Variants in RSPH14 observed in about 807,000 individuals in gnomAD.
RSPH14 encodes the protein radial spoke head 14 homolog, also known as rhabdoid tumor deletion region gene 1.
RSPH14 carries 20 observed loss-of-function variants against 26.7 expected under a neutral mutation model. The ratio of observed to expected loss-of-function variants is 0.75; its 90% confidence interval spans 0.53 to 1.09. The LOEUF (loss-of-function observed/expected upper bound fraction) is 1.09, where lower values mean the gene tolerates loss of function less well. Among genes scored for constraint, RSPH14 ranks in the 50% least tolerant of loss-of-function variants. The pLI is 0.00. For missense variants in RSPH14, 449 were observed against 457.2 expected (o/e 0.98, Z 0.16); for synonymous variants, 177 against 189.3 (o/e 0.93, Z 0.53).
At chr22:23,092,720 C>T (rs1291862668) in intron 4 of RSPH14, among the ~76,000 whole-genome samples, 5 of 152,234 alleles carry the variant, frequency 3.3e-5, no homozygotes, top group Non-Finnish European at 7.3e-5. Context: ...CCAACCTGCT[C>T]TCCTGATTCC....
chr22:23,146,646 C>T (rs1348170895), upstream of RSPH14: 1 of 1,614,088 alleles, frequency 6.2e-7, no homozygotes, highest in Non-Finnish European at 8.5e-7. Flanking sequence ...CTTTGGGGCC[C>T]CCTGTGAGCC....
chr22:23,076,431 G>A (rs767811027), intron 4 of RSPH14, among the ~76,000 whole-genome samples: 1 of 152,148 alleles, frequency 6.6e-6, no homozygotes, highest in Non-Finnish European at 1.5e-5. Context: ...GTGCTCGTGC[G>A]CTGCAGAACC....
chr22:23,134,017 C>A lies in RSPH14; in HGVS notation c.421+9G>T, dbSNP rs757992400. 2 of 1,607,182 alleles carry A rather than the reference C, an allele frequency of 1.2e-6. No individual in the cohort carries two copies. The highest frequency in any genetic ancestry group is 1.7e-6 in the Non-Finnish European group (2 of 1,173,948). The stretch of plus-strand genomic sequence containing the variant: ...GCCCGACAGATCTGTGTGCAGGACG[C>A]AAGCCTACCTCTAGGCACCTGGACC... On this transcript the variant is annotated intron_variant, in intron 4 of 6. Transcript: ENST00000216036.
the RSPH14 span, among the ~76,000 whole-genome samples, chr22:23,165,188 A>C: frequency 1.3e-5 from 2 of 152,186 alleles, no homozygotes; most frequent in African/African-American, 4.8e-5. Context: ...GTAGGTGCTC[A>C]ATAGATGTGT....
intron 4 of RSPH14, among the ~76,000 whole-genome samples, chr22:23,112,654 G>C (rs1158860507): frequency 1.3e-5 from 2 of 152,204 alleles, no homozygotes; most frequent in Non-Finnish European, 2.9e-5. Flanking sequence ...TGGAGCATCG[G>C]ACAAACACCA....
Position 23,140,244 on chromosome 22 carries a change from A to G in RSPH14, c.177T>C (p.Cys59=). 1 of 1,614,030 alleles carries G rather than the reference A, an allele frequency of 6.2e-7. No homozygotes were observed. The highest frequency in any genetic ancestry group is 1.7e-5 in the Admixed American group (1 of 60,022). ...CACCTATGTTCATGGCCTTGTAGAT[A>G]CACTCGGGGTCATGCATGAGGTCAC... ...ALCDLMHDPE[C]IYKAMNIGCM... The change falls in exon 2 of 7, where the codon TGT becomes TGC. Residue 59 remains cysteine (C), a synonymous_variant. Coordinates refer to ENST00000216036, the MANE Select transcript of RSPH14 (RefSeq NM_014433.3).
chr22:23,064,770 T>C (rs2068168858), intron 4 of RSPH14, among the ~76,000 whole-genome samples: 1 of 152,130 alleles, frequency 6.6e-6, no homozygotes, highest in African/African-American at 2.4e-5. Context: ...GGGCTCCACA[T>C]GGCACAGCTG....
chr22:23,158,155 AG>A, the RSPH14 span: 2 of 1,535,668 alleles, frequency 1.3e-6, no homozygotes, highest in Non-Finnish European at 1.7e-6. Flanking sequence ...GTGAGTGACC[AG>A]GGCCCCTTGT....
chr22:23,153,030 C>T, the RSPH14 span: 3 of 1,611,920 alleles, frequency 1.9e-6, no homozygotes, highest in African/African-American at 1.3e-5. Context: ...TCATCCCCCA[C>T]AGGTTTTGCA....
chr22:23,113,193 G>A (rs1171529832), intron 4 of RSPH14, among the ~76,000 whole-genome samples: 3 of 152,204 alleles, frequency 2.0e-5, no homozygotes, highest in Non-Finnish European at 2.9e-5. Context: ...GTGTTCTGAC[G>A]TTGGCTAAAC....
rs1265995435 is a variant in RSPH14, at chr22:23,087,421, G to A, written c.422-23288C>T. On this transcript the variant is annotated intron_variant, in intron 4 of 6. Transcript: ENST00000216036. ...TGAGGCTGCAGTGAACTGTGATGGT[G>A]CACTGCAGCTGGGTGACAGTTAAAA... Among the ~76,000 whole-genome samples, 9 of 152,286 alleles carry A rather than the reference G, an allele frequency of 5.9e-5. No individual in the cohort carries two copies. In the East Asian group the frequency reaches 1.7e-3, roughly 29 times the overall value.
At chr22:23,133,959 G>A in intron 4 of RSPH14, 67 bp downstream of exon 4, 2 of 1,068,716 alleles carry the variant, frequency 1.9e-6, no homozygotes, top group Non-Finnish European at 1.5e-6. Flanking sequence ...GTACATATGT[G>A]ACCTGGAGAG....
At chr22:23,152,949 C>A in the RSPH14 span, 1 of 987,778 alleles carries the variant, frequency 1.0e-6, no homozygotes, top group Non-Finnish European at 1.6e-6. Context: ...CCTTATTTGC[C>A]TAAAGACTTG....
In RSPH14 at chr22:23,061,950, G is replaced by A. The variant is rs558861150; in HGVS notation, c.654-5C>T. 1.9e-6 allele frequency: 3 copies of A among 1,613,944 alleles called. No homozygotes were observed. The highest frequency in any genetic ancestry group is 2.7e-5 in the African/African-American group (2 of 75,042). ...TTCTTGCCCTCTCGAGATATGCTGGGGCAGAGAGGGAACAGAGAGGGGCTC... is the reference window on the plus strand; with the variant it reads ...TTCTTGCCCTCTCGAGATATGCTGGAGCAGAGAGGGAACAGAGAGGGGCTC... On this transcript the variant is annotated splice_polypyrimidine_tract_variant and splice_region_variant and intron_variant, in intron 5 of 6. Transcript: ENST00000216036.
In RSPH14 at chr22:23,105,764, T is replaced by C. The variant is rs185228805; in HGVS notation, c.421+28262A>G. Among the ~76,000 whole-genome samples, 270 of 152,356 alleles carry C rather than the reference T, an allele frequency of 1.8e-3. 1 individual carries two copies. The highest frequency in any genetic ancestry group is 4.9e-3 in the African/African-American group (202 of 41,574). On this transcript the variant is annotated intron_variant, in intron 4 of 6. Coordinates refer to ENST00000216036, the MANE Select transcript of RSPH14 (RefSeq NM_014433.3). ...TTAATTTCCCTTCAGCGACTGACAC[T>C]GGCTGGTGGGGAGCAGGGGTGCAGG... is the stretch of plus-strand genomic sequence containing the variant.
At position 23,072,325 on chromosome 22, in the gene RSPH14, G is replaced by A. The variant is rs563946302; in HGVS notation, c.422-8192C>T. Among the ~76,000 whole-genome samples the A allele has an allele frequency of 3.3e-5, 5 of 152,192 alleles. No homozygotes were observed. The East Asian group carries it at 5.8e-4, about 18-fold the overall frequency. The stretch of plus-strand genomic sequence containing the variant: ...GCAGTGGGGGTGTGGATGGCCTGGC[G>A]GTGCTTGGATAAAATATGCGCCTTG... On this transcript the variant is annotated intron_variant, in intron 4 of 6. Transcript: ENST00000216036.
chr22:23,112,872 T>C (rs182197681), intron 4 of RSPH14, among the ~76,000 whole-genome samples: 2 of 152,172 alleles, frequency 1.3e-5, no homozygotes, highest in African/African-American at 2.4e-5. Context: ...GGGCCTGGTC[T>C]GGGGACCCCA....
chr22:23,144,793 G>T (rs2070684554), upstream of RSPH14, among the ~76,000 whole-genome samples: 1 of 152,106 alleles, frequency 6.6e-6, no homozygotes, highest in South Asian at 2.1e-4. Flanking sequence ...ATATTGTGAT[G>T]CAGAAAAGTT....
chr22:23,157,997 A>G, the RSPH14 span: 2 of 1,614,184 alleles, frequency 1.2e-6, no homozygotes, highest in Non-Finnish European at 1.7e-6. Context: ...TCTAGTGATC[A>G]TCACGGCCTT....
Sources: gnomAD v4.1 joint callset for allele counts (sites outside exome capture counted in the v4.1 genomes callset) on GRCh38, gnomAD v4.1.1 for gene constraint, MANE v1.5 for transcripts, NCBI Gene and HGNC (gene_info 2026-07-23, HGNC 2026-07-21) for gene names.